The following LIMA1 variants were observed in gnomAD, a reference collection of about 807,000 sequenced individuals.
LIMA1 encodes LIM domain and actin binding 1.
A neutral mutation model predicts 62.6 loss-of-function variants in LIMA1; 52 were observed. The ratio of observed to expected loss-of-function variants is 0.83; its 90% CI spans 0.67 to 1.05. The LOEUF is 1.05. Ranked by LOEUF, LIMA1 falls within the 50% of genes least tolerant of loss-of-function variation. The pLI is 0.00. For missense variants in LIMA1, 780 were observed against 902.2 expected (o/e 0.86, Z 1.74); for synonymous variants, 302 against 317.8 (o/e 0.95, Z 0.53).
chr12:50,193,572 T>TATATATATACATGTATATATG (rs1565833243), intron 8 of LIMA1, among the ~76,000 whole-genome samples: 3 of 65,266 alleles, frequency 4.6e-5, no homozygotes, highest in African/African-American at 1.9e-4. Context: ...GTATATATGA[T>TATATATATACATGTATATATG]ATATATATAC....
intron 3 of LIMA1, among the ~76,000 whole-genome samples, chr12:50,231,087 T>G (rs923581511): frequency 2.0e-5 from 3 of 152,170 alleles, no homozygotes; most frequent in African/African-American, 7.2e-5. Context: ...CCTCACAAGA[T>G]TAAATCAAGT....
rs551571494 is a variant in LIMA1 at position 50,282,357 on chromosome 12, A to C, written c.-24+1063T>G. On this transcript the variant is annotated intron_variant, in intron 1 of 10. Transcript: ENST00000341247. The stretch of plus-strand genomic sequence containing the variant: ...GGTACTGTGTTAAACCATTTAAATC[A>C]AGAGCAAAAGAAAGAATACTTAATG... Among the ~76,000 whole-genome samples the C allele has an allele frequency of 8.1e-4, 124 of 152,326 alleles. 1 individual carries two copies. Among genetic ancestry groups the C allele is most frequent in the African/African-American group, 2.7e-3 (114 of 41,588 alleles).
At chr12:50,273,568 T>A (rs1942240964) in intron 1 of LIMA1, among the ~76,000 whole-genome samples, 1 of 151,914 alleles carries the variant, frequency 6.6e-6, no homozygotes, top group African/African-American at 2.4e-5. Flanking sequence ...AGAAAAAAAA[T>A]GGAATTAAAA....
chr12:50,196,053 G>A (rs7300549), intron 7 of LIMA1, 166 bp from the exon 8 acceptor site: 158,218 of 592,502 alleles, frequency 0.27, 27,281 homozygotes, highest in East Asian at 0.76. Context: ...TGAACAAGAG[G>A]CAGCAAAATG....
intron 1 of LIMA1, among the ~76,000 whole-genome samples, chr12:50,257,217 T>C (rs558621427): frequency 6.6e-6 from 1 of 152,212 alleles, no homozygotes; most frequent in Non-Finnish European, 1.5e-5. Context: ...TAACGAAGAT[T>C]TGTTCTCCCT....
chr12:50,193,525 CACATAT>C, intron 8 of LIMA1, among the ~76,000 whole-genome samples: 1 of 123,820 alleles, frequency 8.1e-6, no homozygotes, highest in African/African-American at 3.2e-5. Flanking sequence ...GATATATATA[CACATAT>C]ATGATATATA....
At chr12:50,266,521 A>G (rs943059637) in intron 1 of LIMA1, among the ~76,000 whole-genome samples, 2 of 152,248 alleles carry the variant, frequency 1.3e-5, no homozygotes, top group African/African-American at 4.8e-5. Flanking sequence ...CCTATTTAAC[A>G]AGGCCCCTGT....
chr12:50,186,694 T>G (rs1940638796), intron 9 of LIMA1: 1 of 152,206 alleles, frequency 6.6e-6, no homozygotes, highest in African/African-American at 2.4e-5. Flanking sequence ...GGTGCAGGGA[T>G]CCACTGTCTC....
At chr12:50,213,301 T>G (rs2138520980) in intron 4 of LIMA1, among the ~76,000 whole-genome samples, 1 of 152,368 alleles carries the variant, frequency 6.6e-6, no homozygotes, top group Non-Finnish European at 1.5e-5. Context: ...TTTTTGCCAG[T>G]TTCCTTAGAT....
chr12:50,222,233 C>A lies in LIMA1; in HGVS notation c.418G>T (p.Gly140Cys). 2 of 1,614,068 alleles carry A rather than the reference C, an allele frequency of 1.2e-6. No homozygotes were observed. The highest frequency in any genetic ancestry group is 1.7e-6 in the Non-Finnish European group (2 of 1,180,016). The change falls in exon 4 of 11, where the codon GGT becomes TGT. Residue 140 changes from glycine (G) to cysteine (C), a missense_variant. Coordinates refer to ENST00000341247, the MANE Select transcript of LIMA1 (RefSeq NM_016357.5). ...LRSPPEALVQGRYPHIKDGED... is the reference protein window; with the variant it reads ...LRSPPEALVQCRYPHIKDGED... Reference sequence around the variant, plus strand: ...CCGTCCTTGATGTGGGGATATCGACCCTGAACGAGGGCTTCAGGAGGTGAC... The same window carrying A: ...CCGTCCTTGATGTGGGGATATCGACACTGAACGAGGGCTTCAGGAGGTGAC...
intron 3 of LIMA1, among the ~76,000 whole-genome samples, chr12:50,228,837 G>A (rs926710481): frequency 1.3e-5 from 2 of 152,120 alleles, no homozygotes; most frequent in African/African-American, 4.8e-5. Context: ...TCAATTAATG[G>A]TATTTTAATT....
At chr12:50,183,039 T>TA (rs1337457957) in intron 9 of LIMA1, among the ~76,000 whole-genome samples, 1 of 151,760 alleles carries the variant, frequency 6.6e-6, no homozygotes, top group Non-Finnish European at 1.5e-5. Context: ...CCGTCTCCAG[T>TA]AAAAATACAA....
intron 1 of LIMA1, among the ~76,000 whole-genome samples, chr12:50,271,226 A>G (rs993148659): frequency 2.6e-5 from 4 of 151,850 alleles, no homozygotes; most frequent in African/African-American, 4.8e-5. Flanking sequence ...AGCCGTGACT[A>G]TGCCACTGCA....
At chr12:50,193,562 GTA>G (rs1328010933) in intron 8 of LIMA1, among the ~76,000 whole-genome samples, 1 of 102,974 alleles carries the variant, frequency 9.7e-6, no homozygotes, top group Admixed American at 1.1e-4. Context: ...TATCATATAT[GTA>G]TATATGATAT....
At chr12:50,203,095 C>T (rs1170263641) in intron 6 of LIMA1, among the ~76,000 whole-genome samples, 1 of 150,520 alleles carries the variant, frequency 6.6e-6, no homozygotes. Context: ...CTGTAACCTC[C>T]ATCTCCTAGG....
chr12:50,180,626 A>T (rs959887244), intron 10 of LIMA1, among the ~76,000 whole-genome samples: 1 of 152,172 alleles, frequency 6.6e-6, no homozygotes, highest in Non-Finnish European at 1.5e-5. Context: ...TGATTAATAG[A>T]AGAATGGTGA....
At chr12:50,197,134 G>A (rs1019678200) in intron 7 of LIMA1, among the ~76,000 whole-genome samples, 1 of 148,742 alleles carries the variant, frequency 6.7e-6, no homozygotes, top group East Asian at 2.0e-4. Context: ...CCAATGGTGC[G>A]ATCTCAGCTC....
chr12:50,254,111 T>G (rs1941964160), intron 1 of LIMA1, among the ~76,000 whole-genome samples: 1 of 151,954 alleles, frequency 6.6e-6, no homozygotes, highest in Admixed American at 6.6e-5. Context: ...ATTTTCAGAC[T>G]TTCAGACTCC....
At position 50,272,070 on chromosome 12, in the gene LIMA1, T is replaced by C. The variant is rs550353122; in HGVS notation, c.-24+11350A>G. 2.0e-5 allele frequency among the ~76,000 whole-genome samples: 3 copies of C among 152,278 alleles called. No homozygotes were observed. In the South Asian group the frequency reaches 6.2e-4, roughly 32 times the overall value. ...CTTTGTCCTTAATAACTAATCAAGTTTTCTCCAAATACAGGGCTTCTTAGT... is the reference window on the plus strand; with the variant it reads ...CTTTGTCCTTAATAACTAATCAAGTCTTCTCCAAATACAGGGCTTCTTAGT... On this transcript the variant is annotated intron_variant, in intron 1 of 10. Coordinates refer to ENST00000341247, the MANE Select transcript of LIMA1 (RefSeq NM_016357.5).
Sources: gnomAD v4.1 joint callset for allele counts (sites outside exome capture counted in the v4.1 genomes callset) on GRCh38, gnomAD v4.1.1 for gene constraint, MANE v1.5 for transcripts, NCBI Gene and HGNC (gene_info 2026-07-23, HGNC 2026-07-21) for gene names.